The following RECQL5 variants were observed in gnomAD, a reference collection of about 807,000 sequenced individuals.
RECQL5 encodes the protein ATP-dependent DNA helicase Q5.
RECQL5 carries 88 observed loss-of-function variants against 103.4 expected under a neutral mutation model. The ratio of observed to expected loss-of-function variants is 0.85; its 90% CI spans 0.72 to 1.02. RECQL5 has a LOEUF of 1.02. RECQL5 is among the 50% of genes least tolerant of loss of function. The pLI is 0.00. For missense variants in RECQL5, 1,232 were observed against 1,284.3 expected (o/e 0.96, Z 0.62); for synonymous variants, 552 against 507.9 (o/e 1.09, Z -1.17).
chr17:75,663,488 T>C (rs2059726262), intron 3 of RECQL5, among the ~76,000 whole-genome samples: 1 of 152,188 alleles, frequency 6.6e-6, no homozygotes, highest in South Asian at 2.1e-4. Context: ...GGTGTGGAAC[T>C]TTCCACTTGT....
At chr17:75,654,141 G>A (rs2059588485) in intron 7 of RECQL5, among the ~76,000 whole-genome samples, 1 of 152,132 alleles carries the variant, frequency 6.6e-6, no homozygotes, top group African/African-American at 2.4e-5. Flanking sequence ...CGAAGTGATT[G>A]CATTTTTATA....
Position 75,667,042 on chromosome 17 carries a change from AT to A in RECQL5, c.-15+1del, listed in dbSNP as rs1568291367. On this transcript the variant is annotated splice_donor_variant, in intron 1 of 19. Coordinates refer to ENST00000317905, the MANE Select transcript of RECQL5 (RefSeq NM_004259.7). LOFTEE classifies it low-confidence loss of function (5UTR_SPLICE). ...CACCTCCCTCTCTTCACCCTAAGAT[AT>A]CAGAACCGGCCGTGGTCCGCCCAAG... The A allele has an allele frequency of 3.1e-6, 1 of 324,056 alleles. No individual in the cohort carries two copies. The highest frequency in any genetic ancestry group is 5.7e-6 in the Non-Finnish European group (1 of 174,048). 20.1% of individuals were successfully genotyped at this position (324,056 alleles called of 1,614,324 possible).
chr17:75,658,719 A>C (rs553227956), intron 6 of RECQL5, among the ~76,000 whole-genome samples: 2 of 152,232 alleles, frequency 1.3e-5, no homozygotes, highest in Non-Finnish European at 2.9e-5. Flanking sequence ...GCCAGGGCCC[A>C]GTGGAAAAAA....
intron 16 of RECQL5, 81 bp from the exon 17 acceptor site, chr17:75,628,843 A>G: frequency 6.3e-7 from 1 of 1,594,292 alleles, no homozygotes; most frequent in South Asian, 1.1e-5. Flanking sequence ...AGCCCATCTC[A>G]GGGGTGAGCT....
chr17:75,631,359 G>C (rs1471125406), intron 9 of RECQL5, 91 bp downstream of exon 9: 16 of 1,524,524 alleles, frequency 1.0e-5, no homozygotes, highest in Non-Finnish European at 1.5e-5. Context: ...AGGGGGGATT[G>C]CGGCATCGTG....
intron 2 of RECQL5, among the ~76,000 whole-genome samples, chr17:75,666,174 C>CCAG (rs1376464848): frequency 2.6e-5 from 4 of 152,118 alleles, no homozygotes; most frequent in African/African-American, 7.2e-5. Context: ...GCTTGTAATC[C>CCAG]CAGCACCTTG....
At chr17:75,630,558 T>G in intron 13 of RECQL5, 61 bp downstream of exon 13, 4 of 1,558,302 alleles carry the variant, frequency 2.6e-6, no homozygotes, top group Non-Finnish European at 3.5e-6. Context: ...GACAGGGTCC[T>G]GCAGTCTCCA....
At chr17:75,647,662 G>A (rs916161547) in intron 8 of RECQL5, 17 of 1,175,898 alleles carry the variant, frequency 1.4e-5, no homozygotes, top group Non-Finnish European at 2.1e-5. Flanking sequence ...TGGCTCAGGG[G>A]CCAAGCCCTG....
At chr17:75,633,724 C>A in intron 8 of RECQL5, 2 of 1,110,172 alleles carry the variant, frequency 1.8e-6, no homozygotes, top group Non-Finnish European at 2.2e-6. Context: ...AGGGTGGGTG[C>A]CCCAGACCTG....
At chr17:75,633,658 G>T (rs904153540) in intron 8 of RECQL5, 62 of 1,172,062 alleles carry the variant, frequency 5.3e-5, no homozygotes, top group Admixed American at 5.2e-4. Context: ...GAGGCCAGAG[G>T]GAGGGACCAG....
At chr17:75,634,261 G>GC (rs1241875926) in intron 8 of RECQL5, 15 of 985,202 alleles carry the variant, frequency 1.5e-5, no homozygotes, top group Non-Finnish European at 1.7e-5. Context: ...AGGGTCCCCT[G>GC]CCCCCAGGGT....
At chr17:75,648,466 C>T (rs114422498) in intron 8 of RECQL5, among the ~76,000 whole-genome samples, 1,806 of 152,036 alleles carry the variant, frequency 0.012, 30 homozygotes, top group African/African-American at 0.041. Flanking sequence ...CTCCACCTCC[C>T]GGGTCACGCC....
Position 75,629,183 on chromosome 17 carries a change from C to T in RECQL5, c.2240G>A (p.Ser747Asn), listed in dbSNP as rs927135204. 1.9e-6 allele frequency: 3 copies of T among 1,613,686 alleles called. No homozygotes were observed. The highest frequency in any genetic ancestry group is 2.5e-6 in the Non-Finnish European group (3 of 1,179,978). ...TGTGGCTAGGAGCTGCTGTTTCTTG[C>T]TAGCCCGGCCCTTGGCAAGGGAGCT... The part of the protein sequence containing the change: ...GGSSLAKGRA[S>N]KKQQLLATAA... Residue 747 changes from serine (S) to asparagine (N), a missense_variant, in exon 16 of 20, where the codon AGC (serine) becomes AAC (asparagine). Transcript: ENST00000317905.
Position 75,627,771 on chromosome 17 carries a change from G to A in RECQL5, c.2806-79C>T, listed in dbSNP as rs530812566. On this transcript the variant is annotated intron_variant, in intron 18 of 19. Transcript: ENST00000317905. ...GCAGTGGCTCACGCCTGTAATCCCA[G>A]CACTTTGGGAGGCCGAGGCGGGCGG... 9.7e-5 allele frequency: 130 copies of A among 1,333,978 alleles called. No individual in the cohort carries two copies. In the African/African-American group the frequency reaches 1.5e-3, roughly 15 times the overall value. 82.6% of individuals were successfully genotyped at this position (1,333,978 alleles called of 1,614,324 possible).
intron 8 of RECQL5, among the ~76,000 whole-genome samples, chr17:75,645,885 C>A (rs985448814): frequency 1.3e-5 from 2 of 152,168 alleles, no homozygotes; most frequent in Non-Finnish European, 2.9e-5. Context: ...GCTCCTAGAT[C>A]TTTACCAGCT....
chr17:75,644,730 G>C (rs1056751024), intron 8 of RECQL5, among the ~76,000 whole-genome samples: 8 of 151,978 alleles, frequency 5.3e-5, no homozygotes, highest in Non-Finnish European at 1.0e-4. Context: ...TCAGGAGGCT[G>C]AGGCAGGAGA....
rs986194290 is a variant in RECQL5, at chr17:75,636,324, C to T, written c.1230-4656G>A. Among the ~76,000 whole-genome samples, 3 of 152,036 alleles carry T rather than the reference C, an allele frequency of 2.0e-5. No individual in the cohort carries two copies. The highest frequency in any genetic ancestry group is 1.3e-4 in the Admixed American group (2 of 15,268). ...TTGGGAGGGACTGGTTGCCCTGGTTCGCAGGTGGGAAGTGTGGTTTTGGAA... is the reference window on the plus strand; with the variant it reads ...TTGGGAGGGACTGGTTGCCCTGGTTTGCAGGTGGGAAGTGTGGTTTTGGAA... On this transcript the variant is annotated intron_variant, in intron 8 of 19. Transcript: ENST00000317905. The surrounding 1 kb of genome is among the most constrained non-coding windows in gnomAD (Gnocchi z 5.4).
At chr17:75,650,856 A>C in intron 8 of RECQL5, 1 of 1,468,876 alleles carries the variant, frequency 6.8e-7, no homozygotes, top group Non-Finnish European at 9.0e-7. Flanking sequence ...GCTCGGTGGC[A>C]CATGATGACC....
chr17:75,630,751 G>T, intron 12 of RECQL5, 28 bp downstream of exon 12: 1 of 1,588,974 alleles, frequency 6.3e-7, no homozygotes, highest in South Asian at 1.1e-5. Flanking sequence ...GGCCCCGGCG[G>T]GTGGCTGAGG....
Sources: allele counts gnomAD v4.1 joint callset (sites outside exome capture counted in the v4.1 genomes callset), GRCh38; gene constraint gnomAD v4.1.1; non-coding constraint Gnocchi (gnomAD v3.1); transcripts MANE v1.5; gene names NCBI Gene and HGNC (gene_info 2026-07-23, HGNC 2026-07-21).